Variants in SH3GL1 observed in about 807,000 individuals in gnomAD.
SH3GL1 encodes the protein SH3 domain containing GRB2 like 1, endophilin A2, also known as endophilin-A2.
A neutral mutation model predicts 48.8 loss-of-function variants in SH3GL1; 21 were observed. That is an observed-to-expected ratio of 0.43 (90% CI 0.30 to 0.62). The LOEUF is 0.62. Among genes scored for constraint, SH3GL1 ranks in the 20% least tolerant of loss-of-function variants. SH3GL1 has a pLI of 0.11. For synonymous variants in SH3GL1, 282 were observed against 217.5 expected, an observed-to-expected ratio of 1.30 and a Z score of -2.61; for missense variants, 454 against 503.0, an observed-to-expected ratio of 0.90 and a Z score of 0.93.
intron 1 of SH3GL1, among the ~76,000 whole-genome samples, chr19:4,398,351 G>C (rs1167872876): frequency 6.6e-6 from 1 of 151,604 alleles, no homozygotes; most frequent in African/African-American, 2.4e-5. Context: ...TGCAGTACAC[G>C]GACCAATAGG....
chr19:4,370,837 A>G (rs1277470570), intron 1 of SH3GL1, among the ~76,000 whole-genome samples: 1 of 152,258 alleles, frequency 6.6e-6, no homozygotes, highest in African/African-American at 2.4e-5. Flanking sequence ...CGGCTCAGTC[A>G]GGCCTGGCAG....
chr19:4,372,146 AG>A (rs2144881022), intron 1 of SH3GL1, among the ~76,000 whole-genome samples: 1 of 152,330 alleles, frequency 6.6e-6, no homozygotes, highest in South Asian at 2.1e-4. Flanking sequence ...CAACAGCCCC[AG>A]GACAAAGCAT....
chr19:4,382,617 T>G (rs1973158539), intron 1 of SH3GL1, among the ~76,000 whole-genome samples: 1 of 152,096 alleles, frequency 6.6e-6, no homozygotes, highest in South Asian at 2.1e-4. Flanking sequence ...TAAGCCAGGA[T>G]AATCTCCCAC....
rs542501019 is a variant in SH3GL1, at chr19:4,389,657, C to G, written c.45+10667G>C. Among the ~76,000 whole-genome samples, 59 of 152,162 alleles carry G rather than the reference C, an allele frequency of 3.9e-4. No homozygotes were observed. The highest frequency in any genetic ancestry group is 6.2e-4 in the Non-Finnish European group (42 of 68,020). ...AGGGCGTGCTCACACAAACTCGACA[C>G]GAGGCCATCCGCTGTAGGGTGGGGG... On this transcript the variant is annotated intron_variant, in intron 1 of 9. Coordinates refer to ENST00000269886, the MANE Select transcript of SH3GL1 (RefSeq NM_003025.4). The surrounding 1 kb of genome is among the most constrained non-coding windows in gnomAD (Gnocchi z 4.5).
At chr19:4,384,596 G>A (rs922957481) in intron 1 of SH3GL1, among the ~76,000 whole-genome samples, 1 of 152,148 alleles carries the variant, frequency 6.6e-6, no homozygotes, top group African/African-American at 2.4e-5. Context: ...ATTAAGCAAG[G>A]TACCGCACTG....
At position 4,364,075 on chromosome 19, in the gene SH3GL1, G is replaced by A. The variant is rs369583697; in HGVS notation, c.465+13C>T. The A allele has an allele frequency of 3.1e-5, 50 of 1,611,808 alleles. No homozygotes were observed. The highest frequency in any genetic ancestry group is 2.2e-4 in the Middle Eastern group (1 of 4,588). Reference sequence around the variant, plus strand: ...GGGAAGGGACAGGCCCCAGGCTGGCGCAGGAGCAGCACCTGGATCTCCTTC... The same window carrying A: ...GGGAAGGGACAGGCCCCAGGCTGGCACAGGAGCAGCACCTGGATCTCCTTC... On this transcript the variant is annotated intron_variant, in intron 5 of 9. Coordinates refer to ENST00000269886, the MANE Select transcript of SH3GL1 (RefSeq NM_003025.4).
chr19:4,382,802 GCA>G (rs1439453123), intron 1 of SH3GL1, among the ~76,000 whole-genome samples: 1 of 152,164 alleles, frequency 6.6e-6, no homozygotes, highest in Admixed American at 6.5e-5. Flanking sequence ...GCTACCTCAA[GCA>G]CAGAGTTGGC....
intron 4 of SH3GL1, 39 bp downstream of exon 4, chr19:4,365,443 C>G: frequency 6.2e-7 from 1 of 1,611,958 alleles, no homozygotes; most frequent in Admixed American, 1.7e-5. Context: ...GTGTGGCCTC[C>G]AGGGACGGTG....
At chr19:4,387,747 T>C (rs1306848320) in intron 1 of SH3GL1, among the ~76,000 whole-genome samples, 1 of 152,190 alleles carries the variant, frequency 6.6e-6, no homozygotes, top group Non-Finnish European at 1.5e-5. Flanking sequence ...GCAGTGGTGC[T>C]ATCTTGGCTC....
chr19:4,381,683 A>C (rs370826858), intron 1 of SH3GL1, among the ~76,000 whole-genome samples: 185 of 19,254 alleles, frequency 9.6e-3, no homozygotes, highest in Middle Eastern at 0.036. Context: ...GTCACCCCCC[A>C]CACGCCTTTT....
intron 3 of SH3GL1, among the ~76,000 whole-genome samples, chr19:4,365,895 C>G (rs1420819511): frequency 6.6e-6 from 1 of 152,162 alleles, no homozygotes; most frequent in East Asian, 1.9e-4. Flanking sequence ...TGGCTATGAC[C>G]CCTCATCTGG....
chr19:4,374,856 C>G (rs1320735577), intron 1 of SH3GL1, among the ~76,000 whole-genome samples: 1 of 152,170 alleles, frequency 6.6e-6, no homozygotes, highest in Non-Finnish European at 1.5e-5. Flanking sequence ...CGGGCTGCGC[C>G]TGGTGGCCGT....
At chr19:4,383,042 CTGAG>C (rs1187102415) in intron 1 of SH3GL1, among the ~76,000 whole-genome samples, 1 of 152,118 alleles carries the variant, frequency 6.6e-6, no homozygotes, top group Admixed American at 6.5e-5. Context: ...CCTCAGGCTT[CTGAG>C]TAATTGTGAT....
intron 1 of SH3GL1, among the ~76,000 whole-genome samples, chr19:4,388,350 T>C (rs528952996): frequency 6.6e-6 from 1 of 152,328 alleles, no homozygotes; most frequent in Non-Finnish European, 1.5e-5. Context: ...TGCTGTGGTC[T>C]GCGAGTCGTG....
chr19:4,382,499 C>T (rs1485312769), intron 1 of SH3GL1, among the ~76,000 whole-genome samples: 3 of 151,856 alleles, frequency 2.0e-5, no homozygotes, highest in South Asian at 2.1e-4. Context: ...CCTCGTGATC[C>T]GCCTGCCTCG....
intron 1 of SH3GL1, among the ~76,000 whole-genome samples, chr19:4,384,003 T>C (rs1001615118): frequency 6.6e-6 from 1 of 152,194 alleles, no homozygotes; most frequent in African/African-American, 2.4e-5. Flanking sequence ...AGGAATGATT[T>C]GGGGCTACAA....
chr19:4,394,748 A>G (rs140565690), intron 1 of SH3GL1, among the ~76,000 whole-genome samples: 7 of 152,312 alleles, frequency 4.6e-5, no homozygotes, highest in African/African-American at 1.4e-4. Flanking sequence ...CAATTTAGAA[A>G]GGACACCGTA....
At chr19:4,361,951 C>T (rs1972629009) in intron 9 of SH3GL1, among the ~76,000 whole-genome samples, 155 bp from the exon 10 acceptor site, 1 of 151,892 alleles carries the variant, frequency 6.6e-6, no homozygotes, top group Non-Finnish European at 1.5e-5. Flanking sequence ...CTTCTGGGGT[C>T]CGGCCTCTAC....
In SH3GL1 at chr19:4,363,225, C is replaced by G. The variant is rs997152863; in HGVS notation, c.728+145G>C. The G allele has an allele frequency of 4.3e-6, 3 of 694,332 alleles. No individual in the cohort carries two copies. The African/African-American group carries it at 5.3e-5, about 12-fold the overall frequency. The allele number at this position is 694,332 out of a possible 1,614,324, so 43.0% of individuals were successfully genotyped here. A position where few individuals can be genotyped will look rare whatever the true frequency, so the allele number is the denominator to read the frequency against. On this transcript the variant is annotated intron_variant, in intron 7 of 9. Transcript: ENST00000269886. ...CCAGCTCCTCTGACCTCGCGGCCCC[C>G]CAGGCCTTTCCACTCAGTCCCCAGG...
Sources: allele counts gnomAD v4.1 joint callset (sites outside exome capture counted in the v4.1 genomes callset), GRCh38; gene constraint gnomAD v4.1.1; non-coding constraint Gnocchi (gnomAD v3.1); transcripts MANE v1.5; gene names NCBI Gene and HGNC (gene_info 2026-07-23, HGNC 2026-07-21).